Variants in FIBCD1 observed in about 807,000 individuals in gnomAD.
FIBCD1 encodes the protein fibrinogen C domain-containing protein 1.
FIBCD1 carries 47 observed loss-of-function variants against 45.1 expected under a neutral mutation model. The ratio of observed to expected loss-of-function variants is 1.04; its 90% CI spans 0.82 to 1.33. FIBCD1 has a LOEUF of 1.33. Among genes scored for constraint, FIBCD1 ranks in the 40% most tolerant of loss-of-function variants. FIBCD1 has a pLI of 0.00. For missense variants in FIBCD1, 653 were observed against 682.2 expected (o/e 0.96, Z 0.48); for synonymous variants, 313 against 308.1 (o/e 1.02, Z -0.17).
At position 130,930,054 on chromosome 9, in the gene FIBCD1, C is replaced by T. The variant is rs1832422003; in HGVS notation, c.73-8G>A. On this transcript the variant is annotated splice_region_variant and splice_polypyrimidine_tract_variant and intron_variant, in intron 1 of 6. Coordinates refer to ENST00000372338, the MANE Select transcript of FIBCD1 (RefSeq NM_032843.5). ...GTAGCCGCAGCTCGGCCGCTGCAGG[C>T]CCGCCCGGGACGCACAGACACAGAC... 1 of 1,500,792 alleles carries T rather than the reference C, an allele frequency of 6.7e-7. No homozygotes were observed. Among genetic ancestry groups the T allele is most frequent in the Non-Finnish European group, 8.9e-7 (1 of 1,129,486 alleles). 93.0% of individuals were successfully genotyped at this position (1,500,792 alleles called of 1,614,324 possible). A position where few individuals can be genotyped will look rare whatever the true frequency, so the allele number is the denominator to read the frequency against.
chr9:130,912,523 G>A (rs984221698), intron 4 of FIBCD1, among the ~76,000 whole-genome samples: 7 of 151,752 alleles, frequency 4.6e-5, no homozygotes, highest in African/African-American at 9.7e-5. Context: ...CCTGGTCAAC[G>A]TGGGGAAACC....
rs551180608 is a variant in FIBCD1, at chr9:130,912,948, A to T, written c.850-1060T>A. 3.3e-5 allele frequency among the ~76,000 whole-genome samples: 5 copies of T among 152,244 alleles called. No individual in the cohort carries two copies. In the East Asian group the frequency reaches 9.7e-4, roughly 29 times the overall value. On this transcript the variant is annotated intron_variant, in intron 4 of 6. Transcript: ENST00000372338. ...GTCCCTCAATAAGCTCCCCTTCCCC[A>T]AAACAAGCCTGGGGCAGGGGTCGGG...
chr9:130,913,662 C>T (rs1038677738), intron 4 of FIBCD1, among the ~76,000 whole-genome samples: 15 of 152,236 alleles, frequency 9.9e-5, no homozygotes, highest in African/African-American at 3.1e-4. Flanking sequence ...TCAGGGAGAT[C>T]TGAGGAGCGG....
chr9:130,910,734 C>T (rs1233311096), intron 5 of FIBCD1, among the ~76,000 whole-genome samples: 1 of 152,134 alleles, frequency 6.6e-6, no homozygotes, highest in African/African-American at 2.4e-5. Context: ...CCAATCAACA[C>T]TCTGTATCTA....
intron 1 of FIBCD1, among the ~76,000 whole-genome samples, chr9:130,930,596 C>A (rs879529237): frequency 2.0e-5 from 3 of 152,092 alleles, no homozygotes. Context: ...CCATGCCCTG[C>A]ACAGTGACAG....
In FIBCD1 at chr9:130,903,861, C is replaced by CCAA; in HGVS notation, c.*202_*203insTTG. 1 of 690,648 alleles carries CCAA rather than the reference C, an allele frequency of 1.4e-6. No individual in the cohort carries two copies. Among genetic ancestry groups the CCAA allele is most frequent in the South Asian group, 1.8e-5 (1 of 57,082 alleles). The allele number at this position is 690,648 out of a possible 1,614,324, so 42.8% of individuals were successfully genotyped here. On this transcript the variant is annotated 3_prime_UTR_variant, in exon 7 of 7. Transcript: ENST00000372338. ...CAGAGGCAAGAGATCAGTGAGCTGC[C>CCAA]AAATGGAGGGGGTGGGGACGGCGAG... is the stretch of plus-strand genomic sequence containing the variant.
At chr9:130,929,498 GGCACATGGCAGCAGCA>G (rs1832409024) in intron 2 of FIBCD1, 53 bp downstream of exon 2, 2 of 1,469,240 alleles carry the variant, frequency 1.4e-6, no homozygotes, top group Admixed American at 2.5e-5. Flanking sequence ...TCAGGCGCCT[GGCACATGGCAGCAGCA>G]GCACCAACCC....
At chr9:130,925,150 T>G (rs1218095642) in intron 2 of FIBCD1, among the ~76,000 whole-genome samples, 1 of 151,374 alleles carries the variant, frequency 6.6e-6, no homozygotes, top group East Asian at 2.0e-4. Flanking sequence ...CAAACATCAC[T>G]CTGAGTTTCT....
Position 130,938,549 on chromosome 9 carries a change from C to T in FIBCD1, c.59G>A (p.Arg20His), listed in dbSNP as rs367786750. 47 of 1,489,940 alleles carry T rather than the reference C, an allele frequency of 3.2e-5. No homozygotes were observed. Among genetic ancestry groups the T allele is most frequent in the Non-Finnish European group, 3.5e-5 (39 of 1,125,554 alleles). 92.3% of individuals were successfully genotyped at this position (1,489,940 alleles called of 1,614,324 possible). A position where few individuals can be genotyped will look rare whatever the true frequency, so the allele number is the denominator to read the frequency against. Residue 20 changes from arginine (R) to histidine (H), a missense_variant, in exon 1 of 7, where the codon CGC (arginine) becomes CAC (histidine). By Grantham distance (29) the Arg-to-His change is conservative. Transcript: ENST00000372338. The part of the protein sequence containing the change: ...GGAAQLEDRP[R>H]DKPQRPSCGY... Reference sequence around the variant, plus strand: ...GCCCGAGCGTACCTGCGGCTTGTCGCGCGGCCGGTCCTCAAGTTGGGCAGC... The same window carrying T: ...GCCCGAGCGTACCTGCGGCTTGTCGTGCGGCCGGTCCTCAAGTTGGGCAGC...
intron 5 of FIBCD1, among the ~76,000 whole-genome samples, chr9:130,909,411 G>A (rs1032515850): frequency 1.8e-4 from 28 of 152,330 alleles, no homozygotes; most frequent in South Asian, 4.1e-4. Context: ...GCACCTGTGC[G>A]TTTCATGTAT....
intron 1 of FIBCD1, among the ~76,000 whole-genome samples, chr9:130,937,091 C>A (rs1454640586): frequency 6.6e-6 from 1 of 152,078 alleles, no homozygotes; most frequent in African/African-American, 2.4e-5. Flanking sequence ...AACAAACAGT[C>A]ACTGCCTGTA....
At position 130,929,695 on chromosome 9, in the gene FIBCD1, C is replaced by T. The variant is rs779058977; in HGVS notation, c.424G>A (p.Asp142Asn). 83 of 1,603,198 alleles carry T rather than the reference C, an allele frequency of 5.2e-5. No homozygotes were observed. In the South Asian group the frequency reaches 6.4e-4, roughly 12 times the overall value. ...QEQELLDTLADQLPRLLARAS... is the reference protein window; with the variant it reads ...QEQELLDTLANQLPRLLARAS... ...CGGGCCAGCAGCCGGGGCAGCTGGTCGGCCAGCGTGTCCAGCAGCTCCTGC... is the reference window on the plus strand; with the variant it reads ...CGGGCCAGCAGCCGGGGCAGCTGGTTGGCCAGCGTGTCCAGCAGCTCCTGC... Residue 142 changes from aspartate to asparagine, a missense_variant, in exon 2 of 7, where the codon GAC becomes AAC. Asp to Asn is a conservative substitution (Grantham distance 23, BLOSUM62 1). Transcript: ENST00000372338.
chr9:130,939,333 C>T (rs2133133774), upstream of FIBCD1: 1 of 152,290 alleles, frequency 6.6e-6, no homozygotes, highest in Middle Eastern at 3.4e-3. Context: ...GGGCTCGCCC[C>T]AAGACCCAGG....
intron 5 of FIBCD1, among the ~76,000 whole-genome samples, chr9:130,907,272 G>A (rs1831946012): frequency 6.6e-6 from 1 of 152,020 alleles, no homozygotes; most frequent in Non-Finnish European, 1.5e-5. Flanking sequence ...GGGGTGGGTG[G>A]GGACCTGGGG....
In FIBCD1 at chr9:130,905,372, C is replaced by T. The variant is rs770979473; in HGVS notation, c.988G>A (p.Glu330Lys). 18 of 1,613,818 alleles carry T rather than the reference C, an allele frequency of 1.1e-5. No individual in the cohort carries two copies. Among genetic ancestry groups the T allele is most frequent in the Admixed American group, 1.0e-4 (6 of 59,980 alleles). ...IHALTTQAAY[E>K]LHVDLEDFEN... ...AAGTCCTCCAGGTCCACGTGCAGCT[C>T]GTAGGCAGCCTGTGTGGTCAGGGCG... Residue 330 changes from glutamate to lysine, a missense_variant, in exon 6 of 7, where the codon GAG (glutamate) becomes AAG (lysine). By Grantham distance (56) the Glu-to-Lys change is moderately conservative. Transcript: ENST00000372338.
intron 2 of FIBCD1, among the ~76,000 whole-genome samples, chr9:130,927,387 G>C (rs1441150246): frequency 2.6e-5 from 4 of 152,168 alleles, no homozygotes; most frequent in Non-Finnish European, 4.4e-5. Context: ...CCACGTGACA[G>C]AGCCAGCCAA....
rs377245334 is a variant in FIBCD1 at position 130,935,012 on chromosome 9, C to A, written c.72+3524G>T. On this transcript the variant is annotated intron_variant, in intron 1 of 6. Coordinates refer to ENST00000372338, the MANE Select transcript of FIBCD1 (RefSeq NM_032843.5). ...AATCGCCCCGACCTGTGAGTTTGTT[C>A]CCCCCGTGAGACTCTAAGCTCCCTG... Among the ~76,000 whole-genome samples, 11 of 152,182 alleles carry A rather than the reference C, an allele frequency of 7.2e-5. No homozygotes were observed. The South Asian group carries it at 1.9e-3, about 26-fold the overall frequency.
At position 130,938,567 on chromosome 9, in the gene FIBCD1, T is replaced by C. The variant is rs755258050; in HGVS notation, c.41A>G (p.Gln14Arg). Residue 14 changes from glutamine (Q) to arginine (R), a missense_variant, in exon 1 of 7, where the codon CAA becomes CGA. Coordinates refer to ENST00000372338, the MANE Select transcript of FIBCD1 (RefSeq NM_032843.5). Reference protein sequence around the residue: ...DRWKTMGGAAQLEDRPRDKPQ... With the variant: ...DRWKTMGGAARLEDRPRDKPQ... Reference sequence around the variant, plus strand: ...CTTGTCGCGCGGCCGGTCCTCAAGTTGGGCAGCGCCGCCCATGGTCTTCCA... The same window carrying C: ...CTTGTCGCGCGGCCGGTCCTCAAGTCGGGCAGCGCCGCCCATGGTCTTCCA... 4.4e-5 allele frequency: 66 copies of C among 1,489,602 alleles called. No individual in the cohort carries two copies. The highest frequency in any genetic ancestry group is 5.8e-5 in the Non-Finnish European group (65 of 1,125,042). The allele number at this position is 1,489,602 out of a possible 1,614,324, so 92.3% of individuals were successfully genotyped here.
rs375308594 is a variant in FIBCD1, at chr9:130,916,178, C to T, written c.850-4290G>A. ...ACACCTGACCTTGTGATCCACCCAC[C>T]TTGGCCTCCCAAAGTGCTGGGATTA... On this transcript the variant is annotated intron_variant, in intron 4 of 6. Transcript: ENST00000372338. Among the ~76,000 whole-genome samples, 14 of 152,374 alleles carry T rather than the reference C, an allele frequency of 9.2e-5. No homozygotes were observed. The East Asian group carries it at 1.9e-3, about 21-fold the overall frequency.
Sources: gnomAD v4.1 joint callset for allele counts (sites outside exome capture counted in the v4.1 genomes callset) on GRCh38, gnomAD v4.1.1 for gene constraint, MANE v1.5 for transcripts, NCBI Gene and HGNC (gene_info 2026-07-23, HGNC 2026-07-21) for gene names.